The following GRIA2 variants were observed in gnomAD, a reference collection of about 807,000 sequenced individuals.
The protein encoded by GRIA2 is glutamate ionotropic receptor AMPA type subunit 2.
Under a neutral mutation model 97.3 loss-of-function variants are expected in GRIA2, and 14 were observed. The ratio of observed to expected loss-of-function variants is 0.14; its 90% CI spans 0.10 to 0.23. GRIA2 has a LOEUF of 0.23. GRIA2 is among the 10% of genes least tolerant of loss of function. The probability of loss-of-function intolerance (pLI) is 1.00; values close to 1 mark genes in which losing one functional copy is unlikely to be tolerated. For synonymous variants in GRIA2, 412 were observed against 387.8 expected, an observed-to-expected ratio of 1.06 and a Z score of -0.73; for missense variants, 558 against 1,069.8, an observed-to-expected ratio of 0.52 and a Z score of 6.67.
In GRIA2 at chr4:157,362,903, C is replaced by T; in HGVS notation, c.2511C>T (p.Tyr837=). The change falls in exon 15 of 16, where the codon TAC becomes TAT. Residue 837 remains tyrosine, a synonymous_variant. Transcript: ENST00000264426. ...TGGTGGCTTTGATTGAGTTCTGTTACAAGTCAAGGGCCGAGGCGAAACGAA... is the reference window on the plus strand; with the variant it reads ...TGGTGGCTTTGATTGAGTTCTGTTATAAGTCAAGGGCCGAGGCGAAACGAA... ...AMLVALIEFC[Y]KSRAEAKRMK... 6.2e-7 allele frequency: 1 copy of T among 1,613,580 alleles called. No homozygotes were observed. The highest frequency in any genetic ancestry group is 8.5e-7 in the Non-Finnish European group (1 of 1,179,670).
chr4:157,319,688 T>G (rs191558957), intron 5 of GRIA2, among the ~76,000 whole-genome samples: 48 of 152,248 alleles, frequency 3.2e-4, no homozygotes, highest in Non-Finnish European at 5.0e-4. Context: ...GAGACTTTCC[T>G]TTTCTTCCCC....
At chr4:157,298,141 G>C (rs1733435621) in intron 2 of GRIA2, among the ~76,000 whole-genome samples, 1 of 152,012 alleles carries the variant, frequency 6.6e-6, no homozygotes, top group South Asian at 2.1e-4. Context: ...TAAATTGAAG[G>C]AAGGAGAGAG....
intron 6 of GRIA2, among the ~76,000 whole-genome samples, chr4:157,326,320 G>A (rs1012421801): frequency 1.3e-5 from 2 of 152,106 alleles, no homozygotes; most frequent in African/African-American, 4.8e-5. Flanking sequence ...CCCTGATCCA[G>A]CTTTCCCAAT....
chr4:157,313,156 T>G (rs1221406588), intron 4 of GRIA2, among the ~76,000 whole-genome samples: 1 of 152,148 alleles, frequency 6.6e-6, no homozygotes, highest in Non-Finnish European at 1.5e-5. Flanking sequence ...AACTTTGATA[T>G]TTTCATTTGA....
At chr4:157,278,955 C>T (rs1732472887) in intron 2 of GRIA2, among the ~76,000 whole-genome samples, 1 of 152,038 alleles carries the variant, frequency 6.6e-6, no homozygotes, top group South Asian at 2.1e-4. Flanking sequence ...ACTGACAACA[C>T]CAAATGCTGG....
At chr4:157,355,970 A>ATGT (rs1560781323) in intron 12 of GRIA2, among the ~76,000 whole-genome samples, 4 of 4,252 alleles carry the variant, frequency 9.4e-4, no homozygotes, top group Admixed American at 6.6e-3. Flanking sequence ...TATGTATATT[A>ATGT]ATATATATAT....
At chr4:157,332,716 T>C in intron 6 of GRIA2, 103 bp from the exon 7 acceptor site, 1 of 725,554 alleles carries the variant, frequency 1.4e-6, no homozygotes, top group Non-Finnish European at 2.3e-6. Context: ...TCTTGGACTT[T>C]TAAATGGTAT....
At chr4:157,275,584 T>C (rs576755971) in intron 2 of GRIA2, among the ~76,000 whole-genome samples, 1 of 152,304 alleles carries the variant, frequency 6.6e-6, no homozygotes, top group Non-Finnish European at 1.5e-5. Context: ...GCTTTTTACA[T>C]ATGGCTAGTC....
At chr4:157,322,709 G>A (rs1409001083) in intron 6 of GRIA2, among the ~76,000 whole-genome samples, 2 of 152,136 alleles carry the variant, frequency 1.3e-5, no homozygotes, top group Non-Finnish European at 2.9e-5. Flanking sequence ...AAAATTAAGA[G>A]CAAAAGTTGA....
chr4:157,247,751 G>C (rs553267870), intron 2 of GRIA2, among the ~76,000 whole-genome samples: 1 of 152,178 alleles, frequency 6.6e-6, no homozygotes, highest in African/African-American at 2.4e-5. Context: ...GACTTAAAGG[G>C]AATTCCAGAG....
intron 6 of GRIA2, among the ~76,000 whole-genome samples, chr4:157,326,218 T>C (rs1734796690): frequency 6.6e-6 from 1 of 152,178 alleles, no homozygotes; most frequent in African/African-American, 2.4e-5. Context: ...TCCTTAGATC[T>C]CTTTCAAATC....
chr4:157,297,529 G>A (rs181875339), intron 2 of GRIA2, among the ~76,000 whole-genome samples: 4 of 152,074 alleles, frequency 2.6e-5, no homozygotes, highest in Admixed American at 6.6e-5. Flanking sequence ...TATTTTTATC[G>A]TTTTTTACAC....
chr4:157,342,345 A>G, intron 12 of GRIA2: 1 of 985,196 alleles, frequency 1.0e-6, no homozygotes, highest in Non-Finnish European at 1.2e-6. Flanking sequence ...CTCTTTTCTG[A>G]ATAACTTCAC....
Position 157,303,753 on chromosome 4 carries a change from A to T in GRIA2, c.431A>T (p.Gln144Leu). 6.2e-7 allele frequency: 1 copy of T among 1,613,848 alleles called. No homozygotes were observed. Among genetic ancestry groups the T allele is most frequent in the African/African-American group, 1.3e-5 (1 of 75,034 alleles). The change falls in exon 3 of 16, where the codon CAA becomes CTA. Residue 144 changes from glutamine to leucine, a missense_variant. This residue lies in a region of GRIA2 where 96 missense variants were observed against 176.6 expected (regional missense o/e 0.54). Coordinates refer to ENST00000264426, the MANE Select transcript of GRIA2 (RefSeq NM_001083619.3). ...CTCCTTAGCTTGATTGAATACTATCAATGGGACAAGTTTGCATACCTCTAT... is the reference window on the plus strand; with the variant it reads ...CTCCTTAGCTTGATTGAATACTATCTATGGGACAAGTTTGCATACCTCTAT... ...GALLSLIEYYQWDKFAYLYDS... is the reference protein window; with the variant it reads ...GALLSLIEYYLWDKFAYLYDS...
At chr4:157,276,579 C>A (rs1732324644) in intron 2 of GRIA2, among the ~76,000 whole-genome samples, 1 of 150,988 alleles carries the variant, frequency 6.6e-6, no homozygotes, top group Non-Finnish European at 1.5e-5. Context: ...GTGAGAAAAT[C>A]AATGAAACCA....
rs778138800 is a variant in GRIA2, at chr4:157,341,256, G to A, written c.1845-8G>A. ...CACTTTACAAATCCATTTCATACTT[G>A]TTATTAGATCCCTCTCTGGGCGCAT... On this transcript the variant is annotated splice_region_variant and splice_polypyrimidine_tract_variant and intron_variant, in intron 11 of 15. Coordinates refer to ENST00000264426, the MANE Select transcript of GRIA2 (RefSeq NM_001083619.3). 1.3e-6 allele frequency: 2 copies of A among 1,595,322 alleles called. No homozygotes were observed. The highest frequency in any genetic ancestry group is 1.3e-5 in the African/African-American group (1 of 74,416).
At chr4:157,360,979 C>T in intron 13 of GRIA2, 31 bp from the exon 14 acceptor site, 4 of 1,498,136 alleles carry the variant, frequency 2.7e-6, no homozygotes, top group Non-Finnish European at 3.7e-6. Flanking sequence ...TTTGCTCACC[C>T]TGTCTGACAA....
intron 12 of GRIA2, among the ~76,000 whole-genome samples, chr4:157,349,349 A>C (rs1251076831): frequency 1.3e-5 from 2 of 150,888 alleles, no homozygotes; most frequent in Middle Eastern, 3.2e-3. Flanking sequence ...GTTTTTGTAC[A>C]TTTCCTTATT....
chr4:157,335,392 T>C, intron 9 of GRIA2: 4 of 419,616 alleles, frequency 9.5e-6, no homozygotes, highest in Middle Eastern at 6.8e-4. Flanking sequence ...GTGACAAACA[T>C]GGCTAGAGAA....
Sources: allele counts gnomAD v4.1 joint callset (sites outside exome capture counted in the v4.1 genomes callset), GRCh38; gene constraint gnomAD v4.1.1; regional missense constraint gnomAD v4.1.1; transcripts MANE v1.5; gene names NCBI Gene and HGNC (gene_info 2026-07-23, HGNC 2026-07-21).